Variants in SGCD observed in about 807,000 individuals in gnomAD.
SGCD encodes the protein delta-sarcoglycan.
SGCD carries 18 observed loss-of-function variants against 36.6 expected under a neutral mutation model. The ratio of observed to expected loss-of-function variants is 0.49; its 90% CI spans 0.34 to 0.73. The LOEUF (loss-of-function observed/expected upper bound fraction) is 0.73, where lower values mean the gene tolerates loss of function less well. Among genes scored for constraint, SGCD ranks in the 30% least tolerant of loss-of-function variants. The pLI, the probability that SGCD is intolerant of heterozygous loss-of-function variation, is 0.01. For missense variants in SGCD, 387 were observed against 346.7 expected, an observed-to-expected ratio of 1.12 and a Z score of -0.92; for synonymous variants, 133 against 130.6, an observed-to-expected ratio of 1.02 and a Z score of -0.12.
chr5:156,169,370 T>C (rs1763290582), intron 3 of SGCD, among the ~76,000 whole-genome samples: 1 of 152,206 alleles, frequency 6.6e-6, no homozygotes, highest in Non-Finnish European at 1.5e-5. Context: ...ACATTTTTTC[T>C]CCCTTGGGAT....
intron 2 of SGCD, among the ~76,000 whole-genome samples, chr5:156,340,113 A>T (rs1407799607): frequency 6.6e-6 from 1 of 152,220 alleles, no homozygotes; most frequent in African/African-American, 2.4e-5. Context: ...GGTTAATTAT[A>T]TTTTCCACAA....
chr5:156,712,570 T>C (rs1347770933), intron 7 of SGCD, among the ~76,000 whole-genome samples: 3 of 152,202 alleles, frequency 2.0e-5, no homozygotes, highest in Non-Finnish European at 4.4e-5. Flanking sequence ...TAGAGATAAA[T>C]GTATCAGCTT....
At chr5:155,871,473 G>T (rs1458550926) in intron 1 of SGCD, among the ~76,000 whole-genome samples, 1 of 152,180 alleles carries the variant, frequency 6.6e-6, no homozygotes, top group Non-Finnish European at 1.5e-5. Flanking sequence ...TGAATGGAAA[G>T]ATGGTAAGAA....
At chr5:155,733,420 T>C in the SGCD span, among the ~76,000 whole-genome samples, 117 of 152,326 alleles carry the variant, frequency 7.7e-4, no homozygotes, top group Non-Finnish European at 1.1e-3. Flanking sequence ...GCAAACTGTT[T>C]TGTCATCTTT....
At chr5:155,825,972 A>T in the SGCD span, among the ~76,000 whole-genome samples, 1 of 152,004 alleles carries the variant, frequency 6.6e-6, no homozygotes, top group African/African-American at 2.4e-5. Context: ...CTGGTCTCGA[A>T]CTCCTGACAT....
chr5:156,744,983 G>A (rs1478915813), intron 7 of SGCD, among the ~76,000 whole-genome samples: 1 of 152,202 alleles, frequency 6.6e-6, no homozygotes, highest in African/African-American at 2.4e-5. Flanking sequence ...AAAGGAGCGT[G>A]AGAACACAGA....
At chr5:155,880,691 GCT>G (rs1755863516) in intron 1 of SGCD, among the ~76,000 whole-genome samples, 1 of 152,104 alleles carries the variant, frequency 6.6e-6, no homozygotes, top group Non-Finnish European at 1.5e-5. Flanking sequence ...GTTTTCAGTA[GCT>G]TTAACCTTGG....
At chr5:156,253,837 C>T (rs1765643638) in intron 3 of SGCD, among the ~76,000 whole-genome samples, 1 of 151,974 alleles carries the variant, frequency 6.6e-6, no homozygotes, top group Admixed American at 6.6e-5. Flanking sequence ...TATACTTGGA[C>T]AGTTTACTTA....
chr5:155,960,677 A>G (rs1286022720), intron 1 of SGCD, among the ~76,000 whole-genome samples: 1 of 152,058 alleles, frequency 6.6e-6, no homozygotes, highest in East Asian at 1.9e-4. Flanking sequence ...TTTTAGAAGC[A>G]CCTTCTTCCT....
At chr5:156,547,939 G>T (rs1333311543) in intron 4 of SGCD, among the ~76,000 whole-genome samples, 6 of 152,102 alleles carry the variant, frequency 3.9e-5, no homozygotes, top group African/African-American at 1.4e-4. Flanking sequence ...TCAAACTCCA[G>T]GTTTCATTGA....
intron 7 of SGCD, among the ~76,000 whole-genome samples, chr5:156,714,110 T>G (rs536011286): frequency 1.3e-5 from 2 of 152,364 alleles, no homozygotes; most frequent in East Asian, 3.9e-4. Flanking sequence ...AAACTTTATT[T>G]GTAACCCAGA....
intron 3 of SGCD, among the ~76,000 whole-genome samples, chr5:156,254,709 T>A (rs80009842): frequency 0.027 from 4,037 of 152,192 alleles, 78 homozygotes; most frequent in Non-Finnish European, 0.038. Flanking sequence ...TATTTGGGCA[T>A]GGTGGCATAT....
chr5:155,810,231 C>A, the SGCD span, among the ~76,000 whole-genome samples: 2 of 152,132 alleles, frequency 1.3e-5, no homozygotes, highest in African/African-American at 4.8e-5. Context: ...ATATGTGTTT[C>A]TCTACTTTCC....
intron 1 of SGCD, among the ~76,000 whole-genome samples, chr5:155,926,102 C>G (rs537837976): frequency 7.2e-5 from 11 of 152,210 alleles, no homozygotes; most frequent in Non-Finnish European, 1.5e-5. Flanking sequence ...AGTCATTGGG[C>G]TGTGGCTTAC....
intron 3 of SGCD, among the ~76,000 whole-genome samples, chr5:156,208,126 A>T (rs953451447): frequency 1.3e-5 from 2 of 152,228 alleles, no homozygotes; most frequent in African/African-American, 4.8e-5. Flanking sequence ...TATGTAAAGG[A>T]ATATTTATAA....
At chr5:156,734,352 G>A (rs1217313897) in intron 7 of SGCD, among the ~76,000 whole-genome samples, 3 of 151,038 alleles carry the variant, frequency 2.0e-5, no homozygotes, top group Non-Finnish European at 4.4e-5. Flanking sequence ...TGATGATTAT[G>A]TGTCTTAGGG....
At chr5:156,698,840 T>TACAC (rs150929203) in intron 7 of SGCD, among the ~76,000 whole-genome samples, 8,406 of 139,922 alleles carry the variant, frequency 0.06, 338 homozygotes, top group Middle Eastern at 0.17. Context: ...TAAATTAAAA[T>TACAC]ACACACACAC....
intron 3 of SGCD, among the ~76,000 whole-genome samples, chr5:156,261,418 C>T (rs1765860362): frequency 6.6e-6 from 1 of 152,084 alleles, no homozygotes; most frequent in Admixed American, 6.6e-5. Context: ...TATGGTGGCC[C>T]ATAAGATTAT....
chr5:155,956,027 C>T (rs1757642594), intron 1 of SGCD, among the ~76,000 whole-genome samples: 2 of 151,792 alleles, frequency 1.3e-5, no homozygotes, highest in African/African-American at 4.8e-5. Context: ...AGGAGGCAGA[C>T]ATTGAAATAA....
Sources: allele counts gnomAD v4.1 joint callset (sites outside exome capture counted in the v4.1 genomes callset), GRCh38; gene constraint gnomAD v4.1.1; transcripts MANE v1.5; gene names NCBI Gene and HGNC (gene_info 2026-07-23, HGNC 2026-07-21).